The following MAPT variants were observed in gnomAD, a reference collection of about 807,000 sequenced individuals.
The protein encoded by MAPT is microtubule associated protein tau, also known as microtubule-associated protein tau.
A neutral mutation model predicts 67.9 loss-of-function variants in MAPT; 34 were observed. That is an observed-to-expected ratio of 0.50 (90% CI 0.38 to 0.67). MAPT has a LOEUF of 0.67. MAPT is among the 30% of genes least tolerant of loss of function. The pLI is 0.00. For synonymous variants in MAPT, 456 were observed against 464.5 expected, an observed-to-expected ratio of 0.98 and a Z score of 0.23; for missense variants, 881 against 1,115.2, an observed-to-expected ratio of 0.79 and a Z score of 2.99.
chr17:45,904,801 G>A (rs141772819), intron 1 of MAPT, among the ~76,000 whole-genome samples: 7 of 151,938 alleles, frequency 4.6e-5, no homozygotes, highest in East Asian at 1.9e-4. Flanking sequence ...CCAAAAACCC[G>A]AACAGCTTTC....
rs1170269580 is a variant in MAPT at position 46,024,874 on chromosome 17, G to T, written c.*703G>T. 6.3e-6 allele frequency: 1 copy of T among 158,158 alleles called. No individual in the cohort carries two copies. Among genetic ancestry groups the T allele is most frequent in the East Asian group, 1.9e-4 (1 of 5,384 alleles). The allele number at this position is 158,158 out of a possible 1,614,324, so 9.8% of individuals were successfully genotyped here. ...GGCCGCCTGTCCTTGGTGGCCGGGG[G>T]TGGGGGCCTGCTGTGGGTCAGTGTG... On this transcript the variant is annotated 3_prime_UTR_variant, in exon 13 of 13. Coordinates refer to ENST00000262410, the MANE Select transcript of MAPT (RefSeq NM_001377265.1).
At chr17:45,999,379 C>A (rs2074795832) in intron 9 of MAPT, 1 of 1,614,004 alleles carries the variant, frequency 6.2e-7, no homozygotes, top group Non-Finnish European at 8.5e-7. Context: ...TTTAACTCAG[C>A]CTCTGTGTGA....
intron 1 of MAPT, among the ~76,000 whole-genome samples, chr17:45,932,987 C>G (rs982571991): frequency 3.9e-5 from 6 of 152,046 alleles, no homozygotes; most frequent in African/African-American, 1.4e-4. Flanking sequence ...GAGGGTGAGG[C>G]AGGAGAATCT....
At chr17:45,970,976 C>G (rs2071605938) in intron 2 of MAPT, among the ~76,000 whole-genome samples, 1 of 152,202 alleles carries the variant, frequency 6.6e-6, no homozygotes, top group African/African-American at 2.4e-5. Context: ...ACATTGGGCT[C>G]TCAAGAATTC....
chr17:45,946,611 AAAAAAT>A (rs1288816333), intron 1 of MAPT, among the ~76,000 whole-genome samples: 17 of 99,930 alleles, frequency 1.7e-4, no homozygotes, highest in African/African-American at 6.0e-4. Flanking sequence ...AAAAAAAAAA[AAAAAAT>A]ATATATATAT....
intron 1 of MAPT, among the ~76,000 whole-genome samples, chr17:45,904,986 A>G (rs925830188): frequency 6.6e-6 from 1 of 152,148 alleles, no homozygotes; most frequent in African/African-American, 2.4e-5. Flanking sequence ...GCCAGGAAAC[A>G]TCAGGAATAG....
chr17:45,996,096 T>C lies in MAPT; in HGVS notation c.1733-303T>C, dbSNP rs1167740528. On this transcript the variant is annotated intron_variant, in intron 8 of 12. Coordinates refer to ENST00000262410, the MANE Select transcript of MAPT (RefSeq NM_001377265.1). This position sits in a 1 kb window ranked among gnomAD's most constrained non-coding sequence, Gnocchi z 4.5. ...AGGCCACACAGCTTGTTGGAGCCCA[T>C]CTCTTGACCCAAAGACTGTGGAGCC... Among the ~76,000 whole-genome samples the C allele has an allele frequency of 3.9e-5, 6 of 152,182 alleles. No individual in the cohort carries two copies. Among genetic ancestry groups the C allele is most frequent in the Non-Finnish European group, 7.3e-5 (5 of 68,036 alleles).
Position 46,010,207 on chromosome 17 carries a change from T to C in MAPT, c.1999-103T>C, listed in dbSNP as rs2075728938. ...GCATCCTTGCGAGCAAGTAGGCGGG[T>C]CCAGGGTGGCGCATGTCACTCATCG... On this transcript the variant is annotated intron_variant, in intron 9 of 12. Coordinates refer to ENST00000262410, the MANE Select transcript of MAPT (RefSeq NM_001377265.1). This position sits in a 1 kb window ranked among gnomAD's most constrained non-coding sequence, Gnocchi z 4.7. The C allele has an allele frequency of 1.3e-6, 1 of 785,074 alleles. No homozygotes were observed. Among genetic ancestry groups the C allele is most frequent in the South Asian group, 1.5e-5 (1 of 68,740 alleles). 48.6% of individuals were successfully genotyped at this position (785,074 alleles called of 1,614,324 possible).
chr17:45,900,128 G>T (rs1051956150), intron 1 of MAPT, among the ~76,000 whole-genome samples: 3 of 152,224 alleles, frequency 2.0e-5, no homozygotes, highest in Non-Finnish European at 4.4e-5. Context: ...AAGTCCTCTT[G>T]TAAGAATCTT....
intron 1 of MAPT, among the ~76,000 whole-genome samples, chr17:45,958,725 G>GAA (rs1186779352): frequency 1.8e-3 from 132 of 72,144 alleles, no homozygotes; most frequent in African/African-American, 5.2e-3. Flanking sequence ...TGACTTAAAA[G>GAA]AAAAAAAAAA....
chr17:45,903,879 T>TTATATATTTATATATTA (rs2063839981), intron 1 of MAPT, among the ~76,000 whole-genome samples: 2 of 28,158 alleles, frequency 7.1e-5, no homozygotes, highest in African/African-American at 2.5e-4. Flanking sequence ...TATTATATAT[T>TTATATATTTATATATTA]TATATATTTA....
At chr17:45,999,572 G>T (rs746030536) in intron 9 of MAPT, 19 of 1,612,554 alleles carry the variant, frequency 1.2e-5, no homozygotes, top group East Asian at 2.2e-5. Context: ...TCCATTGAAG[G>T]CCCCTTTCAG....
At chr17:46,004,879 G>GTTCATGCTAT (rs1018746916) in intron 9 of MAPT, among the ~76,000 whole-genome samples, 2 of 152,162 alleles carry the variant, frequency 1.3e-5, no homozygotes, top group Non-Finnish European at 2.9e-5. Context: ...CACCTCCCGG[G>GTTCATGCTAT]TTCATGCTAT....
intron 1 of MAPT, among the ~76,000 whole-genome samples, chr17:45,954,392 C>G (rs2069394154): frequency 2.0e-5 from 3 of 152,164 alleles, no homozygotes; most frequent in Non-Finnish European, 2.9e-5. Flanking sequence ...GAGGCCGAGG[C>G]AGGCGGATCG....
At chr17:45,946,615 A>AAAAAAAAAAAATATATATATATATAT in intron 1 of MAPT, among the ~76,000 whole-genome samples, 3 of 100,392 alleles carry the variant, frequency 3.0e-5, no homozygotes, top group Non-Finnish European at 5.9e-5. Context: ...AAAAAAAAAA[A>AAAAAAAAAAAATATATATATATATAT]ATATATATAT....
At chr17:45,940,683 T>C (rs958120438) in intron 1 of MAPT, among the ~76,000 whole-genome samples, 1 of 152,126 alleles carries the variant, frequency 6.6e-6, no homozygotes, top group Non-Finnish European at 1.5e-5. Context: ...AACTGGCATG[T>C]TCTGTGTGGC....
chr17:45,974,632 T>C (rs1013663936), intron 3 of MAPT: 2 of 629,020 alleles, frequency 3.2e-6, no homozygotes, highest in African/African-American at 3.6e-5. Flanking sequence ...AGTAGCTCGA[T>C]GCCTTGGTGC....
chr17:45,902,097 C>G (rs190089818), intron 1 of MAPT, among the ~76,000 whole-genome samples: 8 of 151,754 alleles, frequency 5.3e-5, no homozygotes, highest in Non-Finnish European at 1.2e-4. Flanking sequence ...TTTTTTGAGA[C>G]GGAGTCTCGC....
At chr17:45,961,170 C>CA (rs67837542) in intron 1 of MAPT, among the ~76,000 whole-genome samples, 71 of 140,650 alleles carry the variant, frequency 5.0e-4, no homozygotes, top group Non-Finnish European at 5.4e-4. Context: ...GACTCTATCT[C>CA]AAAAAAAAAA....
Sources: gnomAD v4.1 joint callset for allele counts (sites outside exome capture counted in the v4.1 genomes callset) on GRCh38, gnomAD v4.1.1 for gene constraint, Gnocchi (gnomAD v3.1) non-coding constraint, MANE v1.5 for transcripts, NCBI Gene and HGNC (gene_info 2026-07-23, HGNC 2026-07-21) for gene names.